Variants in IL15RA observed in about 807,000 individuals in gnomAD.
IL15RA encodes the protein interleukin-15 receptor subunit alpha.
Under a neutral mutation model 24.2 loss-of-function variants are expected in IL15RA, and 26 were observed. The ratio of observed to expected loss-of-function variants is 1.07; its 90% CI spans 0.79 to 1.49. The LOEUF is 1.49. Ranked by LOEUF, IL15RA falls within the 40% of genes most tolerant of loss-of-function variation. IL15RA has a pLI of 0.00. For synonymous variants in IL15RA, 166 were observed against 157.6 expected (o/e 1.05, Z -0.40); for missense variants, 354 against 356.4 (o/e 0.99, Z 0.05).
In IL15RA at chr10:5,969,002, A is replaced by T. The variant is rs1837108465; in HGVS notation, c.89-2663T>A. On this transcript the variant is annotated intron_variant, in intron 1 of 6. Coordinates refer to ENST00000379977, the MANE Select transcript of IL15RA (RefSeq NM_002189.4). ...CGTGGACCTCCAGGGCTGTTTGTGT[A>T]GGATCCTGAGCAAGGACTAAGTGTA... The T allele has an allele frequency of 3.3e-6, 5 of 1,530,536 alleles. No individual in the cohort carries two copies. The East Asian group carries it at 1.2e-4, about 37-fold the overall frequency. The allele number at this position is 1,530,536 out of a possible 1,614,324, so 94.8% of individuals were successfully genotyped here.
At chr10:5,951,733 T>G (rs1377476676), downstream of IL15RA, among the ~76,000 whole-genome samples, 1 of 151,978 alleles carries the variant, frequency 6.6e-6, no homozygotes. Context: ...GAGGCTGAGG[T>G]AGAATTGCTT....
In IL15RA at chr10:5,967,792, C is replaced by T. The variant is rs1320488665; in HGVS notation, c.89-1453G>A. ...ATAAAGAATAGGCTGGGTGCGGTAG[C>T]TCACGCCTGTAATCCGAGGACTTTG... On this transcript the variant is annotated intron_variant, in intron 1 of 6. Coordinates refer to ENST00000379977, the MANE Select transcript of IL15RA (RefSeq NM_002189.4). This position sits in a 1 kb window ranked among gnomAD's most constrained non-coding sequence, Gnocchi z 4.4. Among the ~76,000 whole-genome samples the T allele has an allele frequency of 2.0e-5, 3 of 152,194 alleles. No homozygotes were observed. Among genetic ancestry groups the T allele is most frequent in the Non-Finnish European group, 4.4e-5 (3 of 68,036 alleles).
Position 5,969,030 on chromosome 10 carries a change from G to A in IL15RA, c.89-2691C>T, listed in dbSNP as rs914794579. 8.1e-6 allele frequency: 12 copies of A among 1,488,472 alleles called. No individual in the cohort carries two copies. In the Admixed American group the frequency reaches 1.4e-4, roughly 17 times the overall value. The allele number at this position is 1,488,472 out of a possible 1,614,324, so 92.2% of individuals were successfully genotyped here. ...ATCCTGAGCAAGGACTAAGTGTATT[G>A]TGTGTGTTTCTGGCTGACTCACCAA... is the stretch of plus-strand genomic sequence containing the variant. On this transcript the variant is annotated intron_variant, in intron 1 of 6. Transcript: ENST00000379977.
In IL15RA at chr10:5,953,479, G is replaced by A. The variant is rs1834090830; in HGVS notation, c.693-273C>T. ...GCACTTTAGGAGGCTGTCGTGGGAG[G>A]ATCGCTTGAGCCCAGAAGTTCAAGA... On this transcript the variant is annotated intron_variant, in intron 6 of 6. Coordinates refer to ENST00000379977, the MANE Select transcript of IL15RA (RefSeq NM_002189.4). The surrounding 1 kb of genome is among the most constrained non-coding windows in gnomAD (Gnocchi z 5.3). 6.6e-6 allele frequency among the ~76,000 whole-genome samples: 1 copy of A among 152,140 alleles called. No homozygotes were observed. The highest frequency in any genetic ancestry group is 6.6e-5 in the Admixed American group (1 of 15,264).
chr10:5,949,657 C>CTAAT (rs1480133539), downstream of IL15RA, among the ~76,000 whole-genome samples: 1 of 152,118 alleles, frequency 6.6e-6, no homozygotes, highest in Non-Finnish European at 1.5e-5. The surrounding 1 kb of genome is among the most constrained non-coding windows in gnomAD (Gnocchi z 4.4). Flanking sequence ...CTCCCACTTC[C>CTAAT]TAATGTCTGA....
Position 5,968,489 on chromosome 10 carries a change from C to T in IL15RA, c.89-2150G>A, listed in dbSNP as rs1296156237. 2.5e-6 allele frequency: 1 copy of T among 406,122 alleles called. No individual in the cohort carries two copies. The highest frequency in any genetic ancestry group is 4.5e-6 in the Non-Finnish European group (1 of 220,852). 25.2% of individuals were successfully genotyped at this position (406,122 alleles called of 1,614,324 possible). A position where few individuals can be genotyped will look rare whatever the true frequency, so the allele number is the denominator to read the frequency against. On this transcript the variant is annotated intron_variant, in intron 1 of 6. Transcript: ENST00000379977. This position sits in a 1 kb window ranked among gnomAD's most constrained non-coding sequence, Gnocchi z 5.4. The stretch of plus-strand genomic sequence containing the variant: ...ATTGTCCAGTGGCCGCCACTACTCC[C>T]CATTCCAATGAGGACACATCTTCTG...
At position 5,956,916 on chromosome 10, in the gene IL15RA, A is replaced by G. The variant is rs537800004; in HGVS notation, c.617-462T>C. Among the ~76,000 whole-genome samples the G allele has an allele frequency of 3.3e-5, 5 of 151,300 alleles. No individual in the cohort carries two copies. In the East Asian group the frequency reaches 9.7e-4, roughly 29 times the overall value. On this transcript the variant is annotated intron_variant, in intron 5 of 6. Transcript: ENST00000379977. ...CACAGATTTAGAAACAATAGCACAC[A>G]GTGCCATTTTCCTTCCAATTTCATT...
Position 5,968,736 on chromosome 10 carries a change from C to A in IL15RA, c.89-2397G>T, listed in dbSNP as rs1191976155. The A allele has an allele frequency of 1.4e-6, 1 of 701,980 alleles. No individual in the cohort carries two copies. Among genetic ancestry groups the A allele is most frequent in the Non-Finnish European group, 2.6e-6 (1 of 384,578 alleles). 43.5% of individuals were successfully genotyped at this position (701,980 alleles called of 1,614,324 possible). On this transcript the variant is annotated intron_variant, in intron 1 of 6. Transcript: ENST00000379977. The surrounding 1 kb of genome is among the most constrained non-coding windows in gnomAD (Gnocchi z 5.4). ...ACAGAGTGTTATTTCTCCACACTTG[C>A]CCACCCCATCCTGCCCTCCATGATA... is the stretch of plus-strand genomic sequence containing the variant.
chr10:5,960,007 C>A lies in IL15RA; in HGVS notation c.584-221G>T, dbSNP rs1337466412. 6.6e-6 allele frequency among the ~76,000 whole-genome samples: 1 copy of A among 152,202 alleles called. No individual in the cohort carries two copies. The highest frequency in any genetic ancestry group is 1.9e-4 in the East Asian group (1 of 5,198). ...AGCCTTACAGAAGGTCCCCATTACCCTCAGCTCCTCCATTCCACAGATCCT... is the reference window on the plus strand; with the variant it reads ...AGCCTTACAGAAGGTCCCCATTACCATCAGCTCCTCCATTCCACAGATCCT... On this transcript the variant is annotated intron_variant, in intron 4 of 6. Coordinates refer to ENST00000379977, the MANE Select transcript of IL15RA (RefSeq NM_002189.4). This position sits in a 1 kb window ranked among gnomAD's most constrained non-coding sequence, Gnocchi z 5.1.
rs8177739 is a variant in IL15RA, at chr10:5,953,772, A to G, written c.693-566T>C. ...TTAAAAACAGTTCTTAGCACTTAGT[A>G]TGTGTGAAATAAATAAAGAAATACA... On this transcript the variant is annotated intron_variant, in intron 6 of 6. Transcript: ENST00000379977. The surrounding 1 kb of genome is among the most constrained non-coding windows in gnomAD (Gnocchi z 5.3). 7.2e-3 allele frequency: 1,291 copies of G among 180,076 alleles called. 17 individuals are homozygous for G. The highest frequency in any genetic ancestry group is 0.029 in the African/African-American group (1,217 of 42,422). The allele number at this position is 180,076 out of a possible 1,614,324, so 11.2% of individuals were successfully genotyped here. A position where few individuals can be genotyped will look rare whatever the true frequency, so the allele number is the denominator to read the frequency against.
At position 5,959,363 on chromosome 10, in the gene IL15RA, C is replaced by T. The variant is rs775126475; in HGVS notation, c.616+391G>A. ...CTTCTCTGTTAAGTGCACGGTGCCA[C>T]GCCCTGGAGAGGAATTGGCAGCTTC... On this transcript the variant is annotated intron_variant, in intron 5 of 6. Transcript: ENST00000379977. The surrounding 1 kb of genome is among the most constrained non-coding windows in gnomAD (Gnocchi z 4.1). Among the ~76,000 whole-genome samples, 10 of 151,992 alleles carry T rather than the reference C, an allele frequency of 6.6e-5. No homozygotes were observed. The highest frequency in any genetic ancestry group is 2.1e-4 in the South Asian group (1 of 4,818).
Position 5,958,183 on chromosome 10 carries a change from G to A in IL15RA, c.616+1571C>T. The A allele has an allele frequency of 3.0e-6, 1 of 336,028 alleles. No individual in the cohort carries two copies. Among genetic ancestry groups the A allele is most frequent in the Non-Finnish European group, 6.1e-6 (1 of 163,992 alleles). The allele number at this position is 336,028 out of a possible 1,614,324, so 20.8% of individuals were successfully genotyped here. A position where few individuals can be genotyped will look rare whatever the true frequency, so the allele number is the denominator to read the frequency against. Reference sequence around the variant, plus strand: ...TGTTAAAAACGATGAGATGGTTTTTGTGTCCTGATATGGGAGGATCTACAA... The same window carrying A: ...TGTTAAAAACGATGAGATGGTTTTTATGTCCTGATATGGGAGGATCTACAA... On this transcript the variant is annotated intron_variant, in intron 5 of 6. Transcript: ENST00000379977. The surrounding 1 kb of genome is among the most constrained non-coding windows in gnomAD (Gnocchi z 4.3).
At position 5,971,195 on chromosome 10, in the gene IL15RA, G is replaced by C. The variant is rs1404538390; in HGVS notation, c.89-4856C>G. On this transcript the variant is annotated intron_variant, in intron 1 of 6. Coordinates refer to ENST00000379977, the MANE Select transcript of IL15RA (RefSeq NM_002189.4). This position sits in a 1 kb window ranked among gnomAD's most constrained non-coding sequence, Gnocchi z 5.5. The stretch of plus-strand genomic sequence containing the variant: ...TGGTATGTATATTTCACAGTTCTGT[G>C]GTACTCTCACTTTCCTACGGCTGGT... Among the ~76,000 whole-genome samples, 2 of 152,046 alleles carry C rather than the reference G, an allele frequency of 1.3e-5. No homozygotes were observed. Among genetic ancestry groups the C allele is most frequent in the Non-Finnish European group, 2.9e-5 (2 of 68,028 alleles).
rs1193076782 is a variant in IL15RA at position 5,959,478 on chromosome 10, T to A, written c.616+276A>T. Among the ~76,000 whole-genome samples the A allele has an allele frequency of 2.6e-5, 4 of 152,244 alleles. No homozygotes were observed. Among genetic ancestry groups the A allele is most frequent in the Non-Finnish European group, 5.9e-5 (4 of 68,042 alleles). On this transcript the variant is annotated intron_variant, in intron 5 of 6. Transcript: ENST00000379977. This position sits in a 1 kb window ranked among gnomAD's most constrained non-coding sequence, Gnocchi z 4.1. ...AGAGGTGCACCCTGCTGTGAAGAGC[T>A]GACCTTGAGCCCTTATTTGGGGTGC... is the stretch of plus-strand genomic sequence containing the variant.
rs114294001 is a variant in IL15RA, at chr10:5,961,544, C to T, written c.383-977G>A. On this transcript the variant is annotated intron_variant, in intron 3 of 6. Coordinates refer to ENST00000379977, the MANE Select transcript of IL15RA (RefSeq NM_002189.4). The surrounding 1 kb of genome is among the most constrained non-coding windows in gnomAD (Gnocchi z 5.2). ...CTGCGCTGGCCGAGGACGCTCGGAG[C>T]GGCTGCGTGTGAAACACGGGAAGCC... Among the ~76,000 whole-genome samples the T allele has an allele frequency of 4.2e-3, 635 of 152,348 alleles. 5 individuals carry two copies. Among genetic ancestry groups the T allele is most frequent in the African/African-American group, 0.014 (597 of 41,586 alleles).
At chr10:5,956,252 T>G (rs1222378204) in intron 6 of IL15RA, 127 bp downstream of exon 6, 1 of 694,506 alleles carries the variant, frequency 1.4e-6, no homozygotes, top group Non-Finnish European at 2.6e-6. Flanking sequence ...TGACCTCAAG[T>G]GATCTGCCCG....
At position 5,968,664 on chromosome 10, in the gene IL15RA, T is replaced by A. The variant is rs8177676; in HGVS notation, c.89-2325A>T. 86,757 of 646,684 alleles carry A rather than the reference T, an allele frequency of 0.13. 7,046 individuals carry two copies. Among genetic ancestry groups the A allele is most frequent in the East Asian group, 0.3 (11,123 of 36,626 alleles). The allele number at this position is 646,684 out of a possible 1,614,324, so 40.1% of individuals were successfully genotyped here. A position where few individuals can be genotyped will look rare whatever the true frequency, so the allele number is the denominator to read the frequency against. ...TGGAGTGTCAGAGGCTTTTTCTCCA[T>A]GTTCTGCTCCACACTGATCTTCTGT... On this transcript the variant is annotated intron_variant, in intron 1 of 6. Transcript: ENST00000379977. This position sits in a 1 kb window ranked among gnomAD's most constrained non-coding sequence, Gnocchi z 5.4.
At position 5,971,020 on chromosome 10, in the gene IL15RA, A is replaced by C. The variant is rs1369918220; in HGVS notation, c.89-4681T>G. On this transcript the variant is annotated intron_variant, in intron 1 of 6. Coordinates refer to ENST00000379977, the MANE Select transcript of IL15RA (RefSeq NM_002189.4). The surrounding 1 kb of genome is among the most constrained non-coding windows in gnomAD (Gnocchi z 5.5). ...CCGTCCTCCAGAGATAATACATTTA[A>C]TTGAAGCAATAACTTCATTTCCACA... Among the ~76,000 whole-genome samples, 5 of 152,272 alleles carry C rather than the reference A, an allele frequency of 3.3e-5. No individual in the cohort carries two copies. In the East Asian group the frequency reaches 9.6e-4, roughly 29 times the overall value.
At position 5,971,532 on chromosome 10, in the gene IL15RA, G is replaced by C. The variant is rs974109042; in HGVS notation, c.89-5193C>G. Among the ~76,000 whole-genome samples the C allele has an allele frequency of 6.6e-6, 1 of 152,218 alleles. No individual in the cohort carries two copies. Among genetic ancestry groups the C allele is most frequent in the African/African-American group, 2.4e-5 (1 of 41,454 alleles). The stretch of plus-strand genomic sequence containing the variant: ...GGGTTAGCGTGGCTCCCAATCCTGT[G>C]AGCAGAGTCAGAATGGACTCCAACA... On this transcript the variant is annotated intron_variant, in intron 1 of 6. Coordinates refer to ENST00000379977, the MANE Select transcript of IL15RA (RefSeq NM_002189.4). The surrounding 1 kb of genome is among the most constrained non-coding windows in gnomAD (Gnocchi z 5.5).
Sources: allele counts gnomAD v4.1 joint callset (sites outside exome capture counted in the v4.1 genomes callset), GRCh38; gene constraint gnomAD v4.1.1; non-coding constraint Gnocchi (gnomAD v3.1); transcripts MANE v1.5; gene names NCBI Gene and HGNC (gene_info 2026-07-23, HGNC 2026-07-21).